UBE4A: variants seen among roughly 807,000 people sequenced by gnomAD.
UBE4A encodes the protein ubiquitination factor E4A, also known as ubiquitin conjugation factor E4 A.
A neutral mutation model predicts 117.9 loss-of-function variants in UBE4A; 48 were observed. The ratio of observed to expected loss-of-function variants is 0.41; its 90% CI spans 0.32 to 0.52. The LOEUF is 0.52. Among genes scored for constraint, UBE4A ranks in the 20% least tolerant of loss-of-function variants. UBE4A has a pLI of 0.33. For synonymous variants in UBE4A, 407 were observed against 450.0 expected (o/e 0.90, Z 1.21); for missense variants, 1,067 against 1,296.3 (o/e 0.82, Z 2.72).
intron 2 of UBE4A, among the ~76,000 whole-genome samples, chr11:118,366,794 C>T (rs915194943): frequency 6.6e-6 from 1 of 152,306 alleles, no homozygotes; most frequent in South Asian, 2.1e-4. Context: ...TGGGGCTGGG[C>T]GCAGTGGCTC....
At chr11:118,371,999 C>T (rs1431318235) in intron 5 of UBE4A, among the ~76,000 whole-genome samples, 1 of 152,172 alleles carries the variant, frequency 6.6e-6, no homozygotes, top group African/African-American at 2.4e-5. Context: ...GTGGCTCACT[C>T]CTGTAATCCC....
chr11:118,380,380 C>T (rs1363638656), intron 11 of UBE4A, among the ~76,000 whole-genome samples: 1 of 151,704 alleles, frequency 6.6e-6, no homozygotes, highest in Non-Finnish European at 1.5e-5. Flanking sequence ...CCCAGGAGTT[C>T]AAGATTGGCC....
In UBE4A at chr11:118,388,924, G is replaced by A. The variant is rs369299570; in HGVS notation, c.2588-801G>A. Reference sequence around the variant, plus strand: ...GTTGAGACTGCCTTGAACCATGATCGTGCCACTGCACTGCAGCCTAGGCAC... The same window carrying A: ...GTTGAGACTGCCTTGAACCATGATCATGCCACTGCACTGCAGCCTAGGCAC... On this transcript the variant is annotated intron_variant, in intron 16 of 19. Coordinates refer to ENST00000252108, the MANE Select transcript of UBE4A (RefSeq NM_001204077.2). Among the ~76,000 whole-genome samples the A allele has an allele frequency of 5.3e-5, 8 of 151,900 alleles. No homozygotes were observed. In the East Asian group the frequency reaches 7.8e-4, roughly 15 times the overall value.
chr11:118,368,783 T>C lies in UBE4A; in HGVS notation c.274T>C (p.Phe92Leu). The C allele has an allele frequency of 6.2e-7, 1 of 1,614,204 alleles. No homozygotes were observed. The highest frequency in any genetic ancestry group is 8.5e-7 in the Non-Finnish European group (1 of 1,180,034). The change falls in exon 3 of 20, where the codon TTC (phenylalanine) becomes CTC (leucine). Residue 92 changes from phenylalanine (F) to leucine (L), a missense_variant. Physicochemically the swap from Phe to Leu is conservative, Grantham distance 22. Around this residue, in one of 3 missense-constraint regions of UBE4A, gnomAD observed 1,001 missense variants for 1,184.0 expected, o/e 0.85. Transcript: ENST00000252108. ...LNINHMIQRI[F>L]LITLDNSDPS... ...CATCAATCACATGATCCAAAGGATCTTCCTTATTACTCTGGACAACAGTGA... is the reference window on the plus strand; with the variant it reads ...CATCAATCACATGATCCAAAGGATCCTCCTTATTACTCTGGACAACAGTGA...
chr11:118,381,656 C>G, intron 12 of UBE4A, 133 bp downstream of exon 12: 1 of 1,227,588 alleles, frequency 8.1e-7, no homozygotes, highest in Non-Finnish European at 1.1e-6. Flanking sequence ...AAGGAATCAC[C>G]TGACCATCCA....
Position 118,374,913 on chromosome 11 carries a change from C to T in UBE4A, c.1134C>T (p.His378=), listed in dbSNP as rs1040251759. 8 of 1,534,470 alleles carry T rather than the reference C, an allele frequency of 5.2e-6. No individual in the cohort carries two copies. Among genetic ancestry groups the T allele is most frequent in the African/African-American group, 4.1e-5 (3 of 72,482 alleles). Residue 378 remains histidine, a synonymous_variant, in exon 9 of 20, where the codon CAC becomes CAT. Transcript: ENST00000252108. Reference sequence around the variant, plus strand: ...TTGAACAGTTCATGGCTCAGTTCCACGAAAAGATCTACCAGATGCTGAAGA... The same window carrying T: ...TTGAACAGTTCATGGCTCAGTTCCATGAAAAGATCTACCAGATGCTGAAGA... The part of the protein sequence containing the change: ...ANIHQFMAQF[H]EKIYQMLKNL...
At position 118,389,707 on chromosome 11, in the gene UBE4A, CTT is replaced by C. The variant is rs1565539126; in HGVS notation, c.2588-16_2588-15del. 1 of 1,566,688 alleles carries C rather than the reference CTT, an allele frequency of 6.4e-7. No individual in the cohort carries two copies. The highest frequency in any genetic ancestry group is 1.2e-5 in the South Asian group (1 of 86,118). ...TGCTAATGGATTGAGTTTTCAGAGACTTTGGATTCTTTTCCAGAGATCAAGTC... is the reference window on the plus strand; with the variant it reads ...TGCTAATGGATTGAGTTTTCAGAGACTGGATTCTTTTCCAGAGATCAAGTC... On this transcript the variant is annotated splice_polypyrimidine_tract_variant and intron_variant, in intron 16 of 19. Coordinates refer to ENST00000252108, the MANE Select transcript of UBE4A (RefSeq NM_001204077.2).
Position 118,366,925 on chromosome 11 carries a change from C to T in UBE4A, c.122-1706C>T, listed in dbSNP as rs140987252. 2.6e-3 allele frequency among the ~76,000 whole-genome samples: 393 copies of T among 152,036 alleles called. 1 individual carries two copies. The highest frequency in any genetic ancestry group is 9.0e-3 in the African/African-American group (375 of 41,466). Reference sequence around the variant, plus strand: ...CTCTACTAAAAACACAAAAATTAGTCGGGCATGATGACAGGCGCCTATAAT... The same window carrying T: ...CTCTACTAAAAACACAAAAATTAGTTGGGCATGATGACAGGCGCCTATAAT... On this transcript the variant is annotated intron_variant, in intron 2 of 19. Transcript: ENST00000252108.
chr11:118,371,467 G>A, intron 4 of UBE4A, 47 bp from the exon 5 acceptor site: 1 of 1,563,592 alleles, frequency 6.4e-7, no homozygotes, highest in Non-Finnish European at 8.7e-7. Flanking sequence ...AATGTTCTCA[G>A]ATTAATTTTG....
chr11:118,389,237 G>A (rs1284345188), intron 16 of UBE4A, among the ~76,000 whole-genome samples: 2 of 152,174 alleles, frequency 1.3e-5, no homozygotes, highest in Non-Finnish European at 2.9e-5. Context: ...GCCACATGTG[G>A]CTAGTGTGAC....
intron 5 of UBE4A, among the ~76,000 whole-genome samples, chr11:118,372,076 A>G (rs1948614589): frequency 6.6e-6 from 1 of 152,198 alleles, no homozygotes; most frequent in Non-Finnish European, 1.5e-5. Context: ...CCTGGCCAAC[A>G]TGGCAAAACC....
At position 118,368,618 on chromosome 11, in the gene UBE4A, C is replaced by T; in HGVS notation, c.122-13C>T. The T allele has an allele frequency of 6.2e-7, 1 of 1,613,818 alleles. No homozygotes were observed. The highest frequency in any genetic ancestry group is 8.5e-7 in the Non-Finnish European group (1 of 1,179,784). On this transcript the variant is annotated splice_polypyrimidine_tract_variant and intron_variant, in intron 2 of 19. Transcript: ENST00000252108. ...AAGGGGTGTAACATTTAACAGTATA[C>T]ATTTTCTGGCAGATGAACTCCCAGC...
chr11:118,365,185 G>A lies in UBE4A; in HGVS notation c.105G>A (p.Gln35=), dbSNP rs372770536. 39 of 1,609,926 alleles carry A rather than the reference G, an allele frequency of 2.4e-5. No individual in the cohort carries two copies. The highest frequency in any genetic ancestry group is 1.7e-5 in the Admixed American group (1 of 59,254). Residue 35 remains glutamine, a synonymous_variant, in exon 2 of 20, where the codon CAG becomes CAA. Coordinates refer to ENST00000252108, the MANE Select transcript of UBE4A (RefSeq NM_001204077.2). ...AKQFAAIQKE[Q]LKQQSDELPA... Reference sequence around the variant, plus strand: ...AGTTTGCGGCAATCCAAAAAGAGCAGCTGAAGCAACAATCTGGTAAGTGGA... The same window carrying A: ...AGTTTGCGGCAATCCAAAAAGAGCAACTGAAGCAACAATCTGGTAAGTGGA...
At chr11:118,396,231 G>C in intron 19 of UBE4A, 83 bp from the exon 20 acceptor site, 2 of 1,512,726 alleles carry the variant, frequency 1.3e-6, no homozygotes, top group Non-Finnish European at 1.8e-6. Flanking sequence ...TTCTTAAGAT[G>C]CGACGCCCAG....
intron 1 of UBE4A, among the ~76,000 whole-genome samples, chr11:118,362,618 A>G (rs1458760238): frequency 2.6e-5 from 4 of 152,172 alleles, no homozygotes; most frequent in African/African-American, 7.2e-5. Flanking sequence ...AAAAGTCCAG[A>G]CTTATCTTTC....
At chr11:118,365,663 C>T (rs928262169) in intron 2 of UBE4A, among the ~76,000 whole-genome samples, 1 of 152,192 alleles carries the variant, frequency 6.6e-6, no homozygotes, top group Non-Finnish European at 1.5e-5. Context: ...GCAAATGAGA[C>T]TTGTTCTTAA....
At chr11:118,392,415 T>C (rs1414574676) in intron 18 of UBE4A, among the ~76,000 whole-genome samples, 2 of 152,268 alleles carry the variant, frequency 1.3e-5, no homozygotes, top group Admixed American at 6.5e-5. Flanking sequence ...TTTTGAATTA[T>C]GGCATTTACA....
intron 4 of UBE4A, among the ~76,000 whole-genome samples, chr11:118,370,280 G>A (rs771428971): frequency 2.6e-5 from 4 of 152,052 alleles, no homozygotes; most frequent in East Asian, 1.9e-4. Context: ...AAGGCCCATC[G>A]CTTTTTCTTC....
intron 19 of UBE4A, among the ~76,000 whole-genome samples, 170 bp from the exon 20 acceptor site, chr11:118,396,144 T>C (rs782238549): frequency 4.0e-5 from 6 of 151,052 alleles, no homozygotes; most frequent in South Asian, 2.1e-4. Flanking sequence ...CTACAAAAAC[T>C]CCTGAATCAT....
Sources: allele counts gnomAD v4.1 joint callset (sites outside exome capture counted in the v4.1 genomes callset), GRCh38; gene constraint gnomAD v4.1.1; regional missense constraint gnomAD v4.1.1; transcripts MANE v1.5; gene names NCBI Gene and HGNC (gene_info 2026-07-23, HGNC 2026-07-21).